Variants in ZNF578 observed in about 807,000 individuals in gnomAD.
ZNF578 encodes the protein zinc finger protein 578.
Under a neutral mutation model 8.3 loss-of-function variants are expected in ZNF578, and 8 were observed. The observed-to-expected ratio is 0.96, with a 90% CI of 0.56 to 1.74. The LOEUF (loss-of-function observed/expected upper bound fraction) is 1.74. ZNF578 is among the 40% of genes most tolerant of loss of function. The pLI is 0.00. For missense variants in ZNF578, 726 were observed against 707.5 expected (o/e 1.03, Z -0.30); for synonymous variants, 206 against 232.2 (o/e 0.89, Z 1.03).
chr19:52,512,668 G>C lies in ZNF578; in HGVS notation c.*514G>C, dbSNP rs1287538277. Among the ~76,000 whole-genome samples, 1 of 152,222 alleles carries C rather than the reference G, an allele frequency of 6.6e-6. No homozygotes were observed. Among genetic ancestry groups the C allele is most frequent in the Non-Finnish European group, 1.5e-5 (1 of 68,036 alleles). On this transcript the variant is annotated 3_prime_UTR_variant, in exon 6 of 6. Coordinates refer to ENST00000421239, the MANE Select transcript of ZNF578 (RefSeq NM_001099694.2). Reference sequence around the variant, plus strand: ...TAGACATCAGAGAATCCCTACTGGAGAGAAATCTTACAAATGTCATCAGTG... The same window carrying C: ...TAGACATCAGAGAATCCCTACTGGACAGAAATCTTACAAATGTCATCAGTG...
intron 2 of ZNF578, among the ~76,000 whole-genome samples, chr19:52,490,884 C>T (rs1299741024): frequency 1.7e-4 from 26 of 152,180 alleles, no homozygotes; most frequent in Admixed American, 1.7e-3. Context: ...GTTACTCTTA[C>T]ATAAGCTTCT....
rs2059464603 is a variant in ZNF578, at chr19:52,514,518, C to T, written c.*2364C>T. Among the ~76,000 whole-genome samples the T allele has an allele frequency of 6.6e-6, 1 of 152,122 alleles. No individual in the cohort carries two copies. On this transcript the variant is annotated 3_prime_UTR_variant, in exon 6 of 6. Coordinates refer to ENST00000421239, the MANE Select transcript of ZNF578 (RefSeq NM_001099694.2). ...TAGTTTAAGCAGTTAGTCTGTTTTT[C>T]AGTTTTCTTTCCTTATGTCATTTTT...
chr19:52,482,232 C>T (rs960674237), intron 2 of ZNF578, among the ~76,000 whole-genome samples: 8 of 152,166 alleles, frequency 5.3e-5, no homozygotes, highest in African/African-American at 1.9e-4. Flanking sequence ...GGGGTTTCTT[C>T]ATGTTGGTCT....
chr19:52,459,713 A>ATGTGTGTATATGTGTGTGTGTGTG (rs1187045005), intron 2 of ZNF578, among the ~76,000 whole-genome samples: 1 of 18,234 alleles, frequency 5.5e-5, no homozygotes, highest in African/African-American at 1.4e-4. Context: ...ATATGTAGAT[A>ATGTGTGTATATGTGTGTGTGTGTG]TGTGTGTGTG....
chr19:52,510,921 G>A lies in ZNF578; in HGVS notation c.540G>A (p.Val180=). 2 of 1,614,158 alleles carry A rather than the reference G, an allele frequency of 1.2e-6. No homozygotes were observed. Among genetic ancestry groups the A allele is most frequent in the Non-Finnish European group, 1.7e-6 (2 of 1,180,022 alleles). The change falls in exon 6 of 6, where the codon GTG becomes GTA. Residue 180 remains valine, a synonymous_variant. Transcript: ENST00000421239. Reference sequence around the variant, plus strand: ...CCGAAGAGAAAATTGCTAATCAAGTGGAGAAGTCTGTCAACGATGCTTCCT... The same window carrying A: ...CCGAAGAGAAAATTGCTAATCAAGTAGAGAAGTCTGTCAACGATGCTTCCT... ...FQPEEKIANQ[V]EKSVNDASSI...
At position 52,491,672 on chromosome 19, in the gene ZNF578, G is replaced by C. The variant is rs558250740; in HGVS notation, c.-20+247G>C. 8.6e-5 allele frequency among the ~76,000 whole-genome samples: 13 copies of C among 151,868 alleles called. 1 individual carries two copies. The East Asian group carries it at 2.5e-3, about 29-fold the overall frequency. On this transcript the variant is annotated intron_variant, in intron 3 of 5. Coordinates refer to ENST00000421239, the MANE Select transcript of ZNF578 (RefSeq NM_001099694.2). The stretch of plus-strand genomic sequence containing the variant: ...AGAGGCTGCAGTGAGCCACGATCTC[G>C]CAACTGCACCCCAGCATGGGCCACA...
chr19:52,487,085 C>T (rs1399639293), intron 2 of ZNF578, among the ~76,000 whole-genome samples: 2 of 151,968 alleles, frequency 1.3e-5, no homozygotes, highest in Non-Finnish European at 2.9e-5. Flanking sequence ...GTAATCTCCA[C>T]ACTTCAGGAG....
intron 3 of ZNF578, among the ~76,000 whole-genome samples, chr19:52,499,466 GCTGTCC>G (rs2059398761): frequency 6.6e-6 from 1 of 152,094 alleles, no homozygotes; most frequent in Non-Finnish European, 1.5e-5. Context: ...CCCACCTTCA[GCTGTCC>G]ATAAGTGACT....
At chr19:52,492,781 C>G (rs1301863044) in intron 3 of ZNF578, 3 of 152,270 alleles carry the variant, frequency 2.0e-5, no homozygotes, top group African/African-American at 7.2e-5. Flanking sequence ...AAACTGTTCG[C>G]GGGCCCCGCC....
At chr19:52,491,482 C>T (rs1335800071) in intron 3 of ZNF578, 57 bp downstream of exon 3, 1 of 152,436 alleles carries the variant, frequency 6.6e-6, no homozygotes, top group Non-Finnish European at 1.5e-5. Flanking sequence ...TTAATTCCTC[C>T]TTTGAAAATA....
At chr19:52,469,854 C>T (rs989084766) in intron 2 of ZNF578, among the ~76,000 whole-genome samples, 1 of 152,162 alleles carries the variant, frequency 6.6e-6, no homozygotes, top group Non-Finnish European at 1.5e-5. Context: ...CTGGGTGCGA[C>T]TGTTTTGTAG....
intron 2 of ZNF578, among the ~76,000 whole-genome samples, chr19:52,462,050 CAAT>C (rs752215518): frequency 5.3e-5 from 8 of 152,160 alleles, no homozygotes; most frequent in Non-Finnish European, 1.0e-4. Context: ...GGGGACCAAT[CAAT>C]GATGATTCCA....
At chr19:52,508,718 C>G (rs1568467139) in intron 5 of ZNF578, among the ~76,000 whole-genome samples, 2 of 151,354 alleles carry the variant, frequency 1.3e-5, no homozygotes, top group Non-Finnish European at 2.9e-5. Flanking sequence ...TTGCTTCAAC[C>G]CAGGAGGCAT....
intron 2 of ZNF578, among the ~76,000 whole-genome samples, chr19:52,476,092 T>C (rs540822426): frequency 6.7e-6 from 1 of 150,074 alleles, no homozygotes; most frequent in Admixed American, 6.6e-5. Context: ...TTATCCTTCT[T>C]ATGTAAGGGT....
intron 2 of ZNF578, chr19:52,458,544 A>G (rs1480167512): frequency 6.8e-6 from 1 of 147,652 alleles, no homozygotes; most frequent in Non-Finnish European, 1.5e-5. Flanking sequence ...TATTGTCTAC[A>G]TAGGTTTTAT....
In ZNF578 at chr19:52,477,157, T is replaced by C. The variant is rs1599890194; in HGVS notation, c.-121-14167T>C. On this transcript the variant is annotated intron_variant, in intron 2 of 5. Coordinates refer to ENST00000421239, the MANE Select transcript of ZNF578 (RefSeq NM_001099694.2). ...TGGCTCTTGCCCAAAATTAGTCCCA[T>C]GTATCCTGCTGGTAAAGGTCTCTAA... Among the ~76,000 whole-genome samples the C allele has an allele frequency of 2.0e-5, 3 of 152,318 alleles. 1 individual carries two copies. In the South Asian group the frequency reaches 6.2e-4, roughly 32 times the overall value.
chr19:52,461,822 C>A (rs1328758318), intron 2 of ZNF578, among the ~76,000 whole-genome samples: 1 of 152,106 alleles, frequency 6.6e-6, no homozygotes, highest in Non-Finnish European at 1.5e-5. Context: ...TGAGATTGGG[C>A]CATCATTAAC....
chr19:52,479,591 C>T (rs1313119173), intron 2 of ZNF578, among the ~76,000 whole-genome samples: 1 of 146,810 alleles, frequency 6.8e-6, no homozygotes, highest in African/African-American at 2.5e-5. Context: ...GTTCCCAGTA[C>T]TTTTTTGAAG....
rs140731568 is a variant in ZNF578, at chr19:52,514,257, C to T, written c.*2103C>T. 6.6e-6 allele frequency among the ~76,000 whole-genome samples: 1 copy of T among 152,254 alleles called. No homozygotes were observed. Among genetic ancestry groups the T allele is most frequent in the Non-Finnish European group, 1.5e-5 (1 of 68,020 alleles). ...TCAGCTCACATCATTCGTTTCTGTA[C>T]TTGTATATTTTCCAGTTGTTTTCCG... On this transcript the variant is annotated 3_prime_UTR_variant, in exon 6 of 6. Transcript: ENST00000421239.
Sources: gnomAD v4.1 joint callset for allele counts (sites outside exome capture counted in the v4.1 genomes callset) on GRCh38, gnomAD v4.1.1 for gene constraint, MANE v1.5 for transcripts, NCBI Gene and HGNC (gene_info 2026-07-23, HGNC 2026-07-21) for gene names.